The following MYOCD variants were observed in gnomAD, a reference collection of about 807,000 sequenced individuals.
MYOCD encodes myocardin.
A neutral mutation model predicts 96.1 loss-of-function variants in MYOCD; 32 were observed. The observed-to-expected ratio is 0.33, with a 90% CI of 0.25 to 0.45. The LOEUF (loss-of-function observed/expected upper bound fraction) is 0.45, where lower values mean the gene tolerates loss of function less well. Among genes scored for constraint, MYOCD ranks in the 20% least tolerant of loss-of-function variants. MYOCD has a pLI of 1.00. For synonymous variants in MYOCD, 469 were observed against 469.0 expected (o/e 1.00, Z 0.00); for missense variants, 1,133 against 1,200.6 (o/e 0.94, Z 0.83).
chr17:12,738,304 C>A (rs569532818), intron 6 of MYOCD, among the ~76,000 whole-genome samples: 2 of 152,140 alleles, frequency 1.3e-5, no homozygotes, highest in Admixed American at 6.5e-5. Flanking sequence ...TTCCTCACCC[C>A]CCATGGAGAG....
chr17:12,694,067 T>C (rs28730815), intron 1 of MYOCD, among the ~76,000 whole-genome samples: 40 of 152,264 alleles, frequency 2.6e-4, no homozygotes, highest in African/African-American at 9.4e-4. Flanking sequence ...ACTCCAGGAA[T>C]ACCTGTCACT....
chr17:12,726,253 T>TAGG (rs1288452523), intron 5 of MYOCD, among the ~76,000 whole-genome samples: 1 of 152,152 alleles, frequency 6.6e-6, no homozygotes, highest in African/African-American at 2.4e-5. Context: ...AGATAATAAA[T>TAGG]ACTTGAGACT....
intron 2 of MYOCD, among the ~76,000 whole-genome samples, chr17:12,715,110 G>A (rs897861189): frequency 1.3e-5 from 2 of 152,050 alleles, no homozygotes; most frequent in Non-Finnish European, 2.9e-5. Context: ...ACAGACCACA[G>A]TCATCCCCCA....
At chr17:12,666,447 T>A (rs1203265801) in intron 1 of MYOCD, among the ~76,000 whole-genome samples, 1 of 152,102 alleles carries the variant, frequency 6.6e-6, no homozygotes, top group Non-Finnish European at 1.5e-5. Flanking sequence ...GGTGGTCGAG[T>A]GTGGTTGTTC....
chr17:12,738,648 G>C (rs867887308), intron 6 of MYOCD, among the ~76,000 whole-genome samples: 1 of 151,406 alleles, frequency 6.6e-6, no homozygotes, highest in Non-Finnish European at 1.5e-5. Context: ...ACACACACTT[G>C]GAGATACACA....
Position 12,744,365 on chromosome 17 carries a change from A to C in MYOCD, c.900A>C (p.Gln300His). The stretch of plus-strand genomic sequence containing the variant: ...AACAGCAGCTGTTCCTGCAGCTCCA[A>C]ATCCTCAGCCAGCAGCAGCAGCAGC... The part of the protein sequence containing the change: ...LQQQQLFLQL[Q>H]ILSQQQQQQQ... Residue 300 changes from glutamine (Q) to histidine (H), a missense_variant, in exon 8 of 14, where the codon CAA (glutamine) becomes CAC (histidine). By Grantham distance (24) the Gln-to-His change is conservative (BLOSUM62 0). Coordinates refer to ENST00000425538, the MANE Select transcript of MYOCD (RefSeq NM_001146312.3). 1 of 1,614,154 alleles carries C rather than the reference A, an allele frequency of 6.2e-7. No homozygotes were observed. Among genetic ancestry groups the C allele is most frequent in the South Asian group, 1.1e-5 (1 of 91,074 alleles).
At chr17:12,741,505 C>T (rs996191123) in intron 7 of MYOCD, among the ~76,000 whole-genome samples, 5 of 152,042 alleles carry the variant, frequency 3.3e-5, no homozygotes, top group African/African-American at 4.8e-5. Context: ...GTCAGGAGTT[C>T]GAGACCAGCC....
In MYOCD at chr17:12,701,888, T is replaced by C. The variant is rs531153408; in HGVS notation, c.56-3240T>C. 9.2e-5 allele frequency among the ~76,000 whole-genome samples: 14 copies of C among 152,266 alleles called. No homozygotes were observed. The South Asian group carries it at 2.9e-3, about 32-fold the overall frequency. On this transcript the variant is annotated intron_variant, in intron 1 of 13. Coordinates refer to ENST00000425538, the MANE Select transcript of MYOCD (RefSeq NM_001146312.3). The stretch of plus-strand genomic sequence containing the variant: ...ATAGTATATTGCTTTTGAGTTAGAA[T>C]TAATTCCAATGTGGTCAGAAAACAT...
At chr17:12,736,392 G>C in intron 6 of MYOCD, 56 bp downstream of exon 6, 1 of 1,565,586 alleles carries the variant, frequency 6.4e-7, no homozygotes, top group Non-Finnish European at 8.7e-7. Flanking sequence ...GTGTATTATC[G>C]TTTCAGTCTT....
chr17:12,665,936 C>G lies in MYOCD; in HGVS notation c.-253C>G. 1.9e-6 allele frequency: 1 copy of G among 526,658 alleles called. No homozygotes were observed. The highest frequency in any genetic ancestry group is 2.7e-5 in the South Asian group (1 of 37,114). The allele number at this position is 526,658 out of a possible 1,614,324, so 32.6% of individuals were successfully genotyped here. ...TCAGACAGGAACGCCTGGGATGCCG[C>G]GCTGCTCCTGGCCAACCTCCGAGGA... On this transcript the variant is annotated 5_prime_UTR_variant, in exon 1 of 14. Coordinates refer to ENST00000425538, the MANE Select transcript of MYOCD (RefSeq NM_001146312.3). This position sits in a 1 kb window ranked among gnomAD's most constrained non-coding sequence, Gnocchi z 4.2.
At chr17:12,680,852 T>G (rs552048761) in intron 1 of MYOCD, among the ~76,000 whole-genome samples, 1 of 152,212 alleles carries the variant, frequency 6.6e-6, no homozygotes, top group Non-Finnish European at 1.5e-5. Flanking sequence ...AGTGACAGTG[T>G]TGTCAGCTGC....
At chr17:12,716,975 G>A (rs942622228) in intron 3 of MYOCD, among the ~76,000 whole-genome samples, 2 of 126,386 alleles carry the variant, frequency 1.6e-5, no homozygotes, top group African/African-American at 6.8e-5. Flanking sequence ...GGATGACAGA[G>A]ATGCTGTCTC....
chr17:12,749,587 A>G (rs2032771109), intron 9 of MYOCD, among the ~76,000 whole-genome samples: 1 of 146,296 alleles, frequency 6.8e-6, no homozygotes, highest in African/African-American at 2.5e-5. Flanking sequence ...TACAAAACCT[A>G]TATATATGTG....
intron 4 of MYOCD, among the ~76,000 whole-genome samples, chr17:12,717,899 A>G (rs2031698776): frequency 6.6e-6 from 1 of 152,204 alleles, no homozygotes; most frequent in African/African-American, 2.4e-5. Context: ...GTTCTGCCTT[A>G]GGGTGCCACC....
intron 1 of MYOCD, among the ~76,000 whole-genome samples, chr17:12,694,929 C>CTACTAAAA (rs1471090085): frequency 1.4e-5 from 2 of 143,620 alleles, no homozygotes; most frequent in Non-Finnish European, 3.0e-5. Context: ...AGCTCTACAG[C>CTACTAAAA]TACTAAAATA....
rs530774497 is a variant in MYOCD, at chr17:12,723,014, T to C, written c.415+6T>C. 4 of 1,611,862 alleles carry C rather than the reference T, an allele frequency of 2.5e-6. No homozygotes were observed. The African/African-American group carries it at 5.3e-5, about 22-fold the overall frequency. ...TGTGAAAGAGGCCATAAAAGGTAGTTAGAACAAATGGCATGTCTCTCCTTG... is the reference window on the plus strand; with the variant it reads ...TGTGAAAGAGGCCATAAAAGGTAGTCAGAACAAATGGCATGTCTCTCCTTG... On this transcript the variant is annotated splice_donor_region_variant and intron_variant, in intron 5 of 13. Transcript: ENST00000425538.
intron 1 of MYOCD, among the ~76,000 whole-genome samples, chr17:12,698,110 A>ACC (rs968737097): frequency 3.3e-5 from 5 of 152,220 alleles, no homozygotes; most frequent in African/African-American, 9.6e-5. Flanking sequence ...ATAAGGAGCC[A>ACC]CCGCAAGATG....
In MYOCD at chr17:12,753,286, GGCC is replaced by G. The variant is rs757497339; in HGVS notation, c.1999_2001del (p.Ala667del). The G allele has an allele frequency of 5.0e-6, 8 of 1,613,378 alleles. No individual in the cohort carries two copies. Among genetic ancestry groups the G allele is most frequent in the Non-Finnish European group, 5.9e-6 (7 of 1,179,582 alleles). ...CTCACTTTCTGCCCTCATCCTCCGGGGCCCAGGGAGAAGGGCACAGGGTCTCCT... is the reference window on the plus strand; with the variant it reads ...CTCACTTTCTGCCCTCATCCTCCGGGCAGGGAGAAGGGCACAGGGTCTCCT... On this transcript the variant is annotated inframe_deletion, in exon 10 of 14. Transcript: ENST00000425538.
intron 7 of MYOCD, 53 bp from the exon 8 acceptor site, chr17:12,744,130 A>G: frequency 6.3e-7 from 1 of 1,581,852 alleles, no homozygotes; most frequent in East Asian, 2.2e-5. Flanking sequence ...ATGATGCAAA[A>G]TCATTCTCAG....
Sources: allele counts gnomAD v4.1 joint callset (sites outside exome capture counted in the v4.1 genomes callset), GRCh38; gene constraint gnomAD v4.1.1; non-coding constraint Gnocchi (gnomAD v3.1); transcripts MANE v1.5; gene names NCBI Gene and HGNC (gene_info 2026-07-23, HGNC 2026-07-21).